The following PPIP5K2 variants were observed in gnomAD, a reference collection of about 807,000 sequenced individuals.
PPIP5K2 encodes the protein diphosphoinositol pentakisphosphate kinase 2, also known as inositol hexakisphosphate and diphosphoinositol-pentakisphosphate kinase 2.
Under a neutral mutation model 154.6 loss-of-function variants are expected in PPIP5K2, and 105 were observed. The ratio of observed to expected loss-of-function variants is 0.68; its 90% CI spans 0.58 to 0.80. PPIP5K2 has a LOEUF of 0.80. Ranked by LOEUF, PPIP5K2 falls within the 30% of genes least tolerant of loss-of-function variation. PPIP5K2 has a pLI of 0.00. For synonymous variants in PPIP5K2, 480 were observed against 490.3 expected (o/e 0.98, Z 0.28); for missense variants, 992 against 1,504.6 (o/e 0.66, Z 5.64).
At chr5:103,134,722 G>T (rs1441669015) in intron 3 of PPIP5K2, among the ~76,000 whole-genome samples, 3 of 152,108 alleles carry the variant, frequency 2.0e-5, no homozygotes, top group Non-Finnish European at 4.4e-5. Flanking sequence ...TCTTGGTAGG[G>T]AAAAAGTTTC....
At chr5:103,156,097 G>A in intron 14 of PPIP5K2, 103 bp downstream of exon 14, 1 of 686,208 alleles carries the variant, frequency 1.5e-6, no homozygotes. Flanking sequence ...TTAGGGAATG[G>A]CATGGTGAGG....
At chr5:103,177,285 GT>G (rs146222573) in intron 21 of PPIP5K2, among the ~76,000 whole-genome samples, 5,532 of 151,944 alleles carry the variant, frequency 0.036, 338 homozygotes, top group African/African-American at 0.13. Flanking sequence ...ATTTGGAATT[GT>G]TTTTGTATTT....
intron 11 of PPIP5K2, among the ~76,000 whole-genome samples, chr5:103,154,393 A>G (rs1471767542): frequency 3.3e-5 from 5 of 152,066 alleles, no homozygotes; most frequent in African/African-American, 9.6e-5. Flanking sequence ...CAGAAAATAT[A>G]TAATATTATG....
At chr5:103,141,208 A>G (rs1246530019) in intron 5 of PPIP5K2, among the ~76,000 whole-genome samples, 1 of 152,118 alleles carries the variant, frequency 6.6e-6, no homozygotes, top group Non-Finnish European at 1.5e-5. Context: ...AATTTCAAGA[A>G]TGAAGCCGCA....
At chr5:103,192,540 CTATT>C (rs1199333554) in intron 29 of PPIP5K2, among the ~76,000 whole-genome samples, 2 of 148,960 alleles carry the variant, frequency 1.3e-5, no homozygotes, top group Non-Finnish European at 3.0e-5. Context: ...GATCTCAACA[CTATT>C]TAGATTGTAG....
At position 103,190,918 on chromosome 5, in the gene PPIP5K2, G is replaced by A. The variant is rs1358269131; in HGVS notation, c.3429G>A (p.Val1143=). Residue 1143 remains valine (V), a synonymous_variant, in exon 29 of 31, where the codon GTG becomes GTA. Coordinates refer to ENST00000358359, the MANE Select transcript of PPIP5K2 (RefSeq NM_001276277.3). Reference sequence around the variant, plus strand: ...ATAATGCCCTATCTTTAAAGCAAGTGGATGAATTTCTTGCTTCCATTGCTT... The same window carrying A: ...ATAATGCCCTATCTTTAAAGCAAGTAGATGAATTTCTTGCTTCCATTGCTT... ...TLHNALSLKQ[V]DEFLASIASP... 6.2e-7 allele frequency: 1 copy of A among 1,608,798 alleles called. No individual in the cohort carries two copies. Among genetic ancestry groups the A allele is most frequent in the Non-Finnish European group, 8.5e-7 (1 of 1,177,152 alleles).
rs1803395039 is a variant in PPIP5K2, at chr5:103,204,573, T to G, written c.*2939T>G. 6.6e-6 allele frequency: 1 copy of G among 152,178 alleles called. No homozygotes were observed. Among genetic ancestry groups the G allele is most frequent in the Non-Finnish European group, 1.5e-5 (1 of 68,042 alleles). The allele number at this position is 152,178 out of a possible 1,614,324, so 9.4% of individuals were successfully genotyped here. The stretch of plus-strand genomic sequence containing the variant: ...AATCTTTCTGCTTCAGCCTCCTAAA[T>G]AGCTGGTACTATAGGTGCGTGCCAC... On this transcript the variant is annotated 3_prime_UTR_variant, in exon 31 of 31. Coordinates refer to ENST00000358359, the MANE Select transcript of PPIP5K2 (RefSeq NM_001276277.3).
intron 30 of PPIP5K2, among the ~76,000 whole-genome samples, chr5:103,200,734 C>CA (rs1802850816): frequency 6.6e-6 from 1 of 151,924 alleles, no homozygotes; most frequent in African/African-American, 2.4e-5. Flanking sequence ...CTATCAGGCT[C>CA]AAGCAATCTT....
At chr5:103,141,297 GTTTC>G (rs1216254646) in intron 5 of PPIP5K2, among the ~76,000 whole-genome samples, 1 of 152,140 alleles carries the variant, frequency 6.6e-6, no homozygotes, top group Non-Finnish European at 1.5e-5. Context: ...TGTGTTTGGA[GTTTC>G]TTCCTTCTGG....
intron 29 of PPIP5K2, among the ~76,000 whole-genome samples, chr5:103,191,856 AT>A (rs570979337): frequency 5.7e-4 from 86 of 152,104 alleles, no homozygotes; most frequent in African/African-American, 2.0e-3. Flanking sequence ...GAATCTTACT[AT>A]TCTAGTCATA....
At chr5:103,140,968 A>T (rs1436648915) in intron 5 of PPIP5K2, among the ~76,000 whole-genome samples, 1 of 152,202 alleles carries the variant, frequency 6.6e-6, no homozygotes, top group Non-Finnish European at 1.5e-5. Context: ...GATAGGAAAA[A>T]GATCTTACAG....
At chr5:103,144,793 T>C (rs1350598658) in intron 5 of PPIP5K2, among the ~76,000 whole-genome samples, 1 of 152,124 alleles carries the variant, frequency 6.6e-6, no homozygotes, top group Non-Finnish European at 1.5e-5. Flanking sequence ...ATCTAAGACC[T>C]GAAGCTATGC....
intron 28 of PPIP5K2, among the ~76,000 whole-genome samples, chr5:103,190,112 T>A (rs1800991051): frequency 6.6e-6 from 1 of 152,038 alleles, no homozygotes; most frequent in African/African-American, 2.4e-5. Flanking sequence ...TGTATTTAAG[T>A]GCTTTTGTTT....
intron 17 of PPIP5K2, among the ~76,000 whole-genome samples, chr5:103,166,294 C>T (rs1394216366): frequency 6.6e-6 from 1 of 152,000 alleles, no homozygotes; most frequent in Non-Finnish European, 1.5e-5. Flanking sequence ...AAAACACCCA[C>T]AAAATCTTCA....
Position 103,194,230 on chromosome 5 carries a change from C to T in PPIP5K2, c.3494-670C>T, listed in dbSNP as rs114655060. 8.1e-3 allele frequency among the ~76,000 whole-genome samples: 1,228 copies of T among 151,288 alleles called. 17 individuals are homozygous for T. The highest frequency in any genetic ancestry group is 0.029 in the African/African-American group (1,177 of 41,218). On this transcript the variant is annotated intron_variant, in intron 29 of 30. Coordinates refer to ENST00000358359, the MANE Select transcript of PPIP5K2 (RefSeq NM_001276277.3). ...TCGCCCAGGCTGGAGTGCAGTGGCACAAGTATGGCACACTACAGCCTCAAC... is the reference window on the plus strand; with the variant it reads ...TCGCCCAGGCTGGAGTGCAGTGGCATAAGTATGGCACACTACAGCCTCAAC...
rs1486550132 is a variant in PPIP5K2, at chr5:103,151,234, TA to T, written c.907-18del. Reference sequence around the variant, plus strand: ...ATAATTTAAATAAAACCTTAAAGTTTATAACTTATTTTAAATAGCAAACAGT... The same window carrying T: ...ATAATTTAAATAAAACCTTAAAGTTTTAACTTATTTTAAATAGCAAACAGT... On this transcript the variant is annotated intron_variant, in intron 8 of 30. Transcript: ENST00000358359. 3 of 1,577,218 alleles carry T rather than the reference TA, an allele frequency of 1.9e-6. No individual in the cohort carries two copies. The highest frequency in any genetic ancestry group is 4.5e-5 in the East Asian group (2 of 44,558).
Position 103,186,312 on chromosome 5 carries a change from C to T in PPIP5K2, c.3170-8C>T. Reference sequence around the variant, plus strand: ...CGTTGTGTATGTATTTTCTCTAACTCCCATCAGGGTCTCACTGTGCGGGCC... The same window carrying T: ...CGTTGTGTATGTATTTTCTCTAACTTCCATCAGGGTCTCACTGTGCGGGCC... On this transcript the variant is annotated splice_polypyrimidine_tract_variant and splice_region_variant and intron_variant, in intron 26 of 30. Transcript: ENST00000358359. 6.2e-7 allele frequency: 1 copy of T among 1,613,530 alleles called. No homozygotes were observed. Among genetic ancestry groups the T allele is most frequent in the Admixed American group, 1.7e-5 (1 of 59,926 alleles).
chr5:103,168,914 C>T (rs1554218767), intron 19 of PPIP5K2, among the ~76,000 whole-genome samples: 1 of 151,686 alleles, frequency 6.6e-6, no homozygotes, highest in Non-Finnish European at 1.5e-5. Flanking sequence ...ATTTATTGAA[C>T]ACCTGTTTTG....
chr5:103,157,167 T>C (rs1296825585), intron 14 of PPIP5K2, among the ~76,000 whole-genome samples: 1 of 152,152 alleles, frequency 6.6e-6, no homozygotes, highest in Non-Finnish European at 1.5e-5. Context: ...TATTAAGTTC[T>C]TTTAGTGCTT....
Sources: gnomAD v4.1 joint callset for allele counts (sites outside exome capture counted in the v4.1 genomes callset) on GRCh38, gnomAD v4.1.1 for gene constraint, MANE v1.5 for transcripts, NCBI Gene and HGNC (gene_info 2026-07-23, HGNC 2026-07-21) for gene names.